The following TENM3 variants were observed in gnomAD, a reference collection of about 807,000 sequenced individuals.
TENM3 encodes teneurin transmembrane protein 3, also known as teneurin-3.
TENM3 carries 63 observed loss-of-function variants against 255.1 expected under a neutral mutation model. The observed-to-expected ratio is 0.25, with a 90% CI of 0.20 to 0.30. TENM3 has a LOEUF of 0.30. Ranked by LOEUF, TENM3 falls within the 10% of genes least tolerant of loss-of-function variation. The pLI is 1.00. For synonymous variants in TENM3, 1,306 were observed against 1,322.3 expected, an observed-to-expected ratio of 0.99 and a Z score of 0.27; for missense variants, 2,929 against 3,461.1, an observed-to-expected ratio of 0.85 and a Z score of 3.86.
the TENM3 span, among the ~76,000 whole-genome samples, chr4:181,919,405 G>GTGTGTGTGTGTGTGT: frequency 1.3e-5 from 2 of 150,920 alleles, no homozygotes; most frequent in African/African-American, 4.9e-5. Context: ...GTGTGTGTCT[G>GTGTGTGTGTGTGTGT]GTGTATTGGG....
the TENM3 span, among the ~76,000 whole-genome samples, chr4:181,531,528 A>G: frequency 1.3e-5 from 2 of 152,188 alleles, no homozygotes; most frequent in South Asian, 4.1e-4. Flanking sequence ...GAGTTTACAC[A>G]TAGGGTATGA....
intron 16 of TENM3, among the ~76,000 whole-genome samples, chr4:182,733,817 A>G (rs1270711642): frequency 6.6e-6 from 1 of 152,188 alleles, no homozygotes; most frequent in Non-Finnish European, 1.5e-5. Context: ...CCCCAGGCCC[A>G]TCTTGCAGGA....
chr4:182,000,751 G>C, the TENM3 span, among the ~76,000 whole-genome samples: 1 of 149,848 alleles, frequency 6.7e-6, no homozygotes, highest in South Asian at 2.1e-4. Context: ...CTACAATTTG[G>C]GAAAAATGAA....
At chr4:182,547,937 G>C (rs1388349183) in intron 3 of TENM3, among the ~76,000 whole-genome samples, 1 of 152,080 alleles carries the variant, frequency 6.6e-6, no homozygotes, top group East Asian at 1.9e-4. Context: ...AAATTCCAAG[G>C]CCAGGCACGA....
chr4:182,660,546 T>G (rs1754144746), intron 6 of TENM3, among the ~76,000 whole-genome samples: 1 of 152,236 alleles, frequency 6.6e-6, no homozygotes, highest in African/African-American at 2.4e-5. Context: ...TGTTTGCTCT[T>G]CATTCTGCAA....
the TENM3 span, among the ~76,000 whole-genome samples, chr4:181,782,146 G>A: frequency 1.3e-5 from 2 of 152,152 alleles, no homozygotes; most frequent in African/African-American, 2.4e-5. Context: ...AAATGAGTTA[G>A]GGAGGATTCC....
intron 3 of TENM3, among the ~76,000 whole-genome samples, chr4:182,496,256 C>G (rs912204386): frequency 5.3e-5 from 8 of 152,232 alleles, no homozygotes; most frequent in African/African-American, 1.9e-4. Context: ...GTGAATTCAT[C>G]TTGCCCTTTT....
chr4:181,906,774 T>C, the TENM3 span, among the ~76,000 whole-genome samples: 6 of 152,216 alleles, frequency 3.9e-5, no homozygotes, highest in Admixed American at 6.5e-5. Context: ...CTGGAACTCC[T>C]GAGCCCAAGC....
rs376621253 is a variant in TENM3, at chr4:182,728,949, A to G, written c.2369-16A>G. ...AAAAGGAAAATTCTCTTACTGGGGA[A>G]CATTTCTCTCTACAGATGGACTCAT... On this transcript the variant is annotated splice_polypyrimidine_tract_variant and intron_variant, in intron 13 of 27. Coordinates refer to ENST00000511685, the MANE Select transcript of TENM3 (RefSeq NM_001080477.4). 1 of 1,608,016 alleles carries G rather than the reference A, an allele frequency of 6.2e-7. No individual in the cohort carries two copies. Among genetic ancestry groups the G allele is most frequent in the Non-Finnish European group, 8.5e-7 (1 of 1,175,088 alleles).
the TENM3 span, among the ~76,000 whole-genome samples, chr4:181,707,131 G>C: frequency 3.3e-5 from 5 of 152,198 alleles, no homozygotes; most frequent in African/African-American, 1.2e-4. Context: ...CAGAAGGGAG[G>C]GGACTTGCAT....
chr4:182,186,093 G>C (rs1437488225), intron 1 of TENM3, among the ~76,000 whole-genome samples: 1 of 152,066 alleles, frequency 6.6e-6, no homozygotes, highest in Non-Finnish European at 1.5e-5. Flanking sequence ...TAAAAGAAAA[G>C]AAAAACTGTC....
At chr4:181,923,836 G>A in the TENM3 span, among the ~76,000 whole-genome samples, 1 of 152,108 alleles carries the variant, frequency 6.6e-6, no homozygotes, top group Admixed American at 6.6e-5. Flanking sequence ...ATATATGGAG[G>A]TAAGCATGGA....
chr4:182,222,296 A>T (rs1755892150), intron 1 of TENM3, among the ~76,000 whole-genome samples: 1 of 152,238 alleles, frequency 6.6e-6, no homozygotes, highest in African/African-American at 2.4e-5. Context: ...TAGTCAGTGA[A>T]GCGTGGAGGT....
At position 182,724,528 on chromosome 4, in the gene TENM3, G is replaced by C. The variant is rs115030621; in HGVS notation, c.2369-4437G>C. Among the ~76,000 whole-genome samples, 652 of 152,348 alleles carry C rather than the reference G, an allele frequency of 4.3e-3. 6 individuals carry two copies. Among genetic ancestry groups the C allele is most frequent in the African/African-American group, 0.015 (623 of 41,586 alleles). On this transcript the variant is annotated intron_variant, in intron 13 of 27. Coordinates refer to ENST00000511685, the MANE Select transcript of TENM3 (RefSeq NM_001080477.4). ...AAAATGAGATCTTTCTCTGATTGAT[G>C]TTAGCAGAGAGGCTTGTAAAAATGC...
chr4:182,362,174 G>T (rs1284757945), intron 3 of TENM3, among the ~76,000 whole-genome samples: 1 of 152,120 alleles, frequency 6.6e-6, no homozygotes, highest in African/African-American at 2.4e-5. Flanking sequence ...AGGGGTCAGG[G>T]ACCCACTTGA....
At chr4:182,154,231 A>G (rs1018147870) in intron 1 of TENM3, among the ~76,000 whole-genome samples, 4 of 151,792 alleles carry the variant, frequency 2.6e-5, no homozygotes, top group African/African-American at 9.7e-5. Context: ...TAAATGGCTA[A>G]TTTTGGTGGG....
intron 11 of TENM3, among the ~76,000 whole-genome samples, chr4:182,685,166 T>C (rs1342383979): frequency 6.6e-6 from 1 of 152,116 alleles, no homozygotes; most frequent in East Asian, 1.9e-4. Flanking sequence ...CATTCTGATT[T>C]TTGTATGAGT....
the TENM3 span, among the ~76,000 whole-genome samples, chr4:181,880,682 A>G: frequency 6.6e-6 from 1 of 152,324 alleles, no homozygotes; most frequent in African/African-American, 2.4e-5. Context: ...TGCTAAAAAA[A>G]ATTATTTGGT....
chr4:182,244,529 T>C (rs1757521185), intron 1 of TENM3, among the ~76,000 whole-genome samples: 1 of 152,210 alleles, frequency 6.6e-6, no homozygotes, highest in Non-Finnish European at 1.5e-5. Flanking sequence ...GTAGCTAATG[T>C]TATTTTTCCT....
Sources: allele counts gnomAD v4.1 joint callset (sites outside exome capture counted in the v4.1 genomes callset), GRCh38; gene constraint gnomAD v4.1.1; transcripts MANE v1.5; gene names NCBI Gene and HGNC (gene_info 2026-07-23, HGNC 2026-07-21).